AUH: variants seen among roughly 807,000 people sequenced by gnomAD.
AUH encodes the protein AU RNA binding methylglutaconyl-CoA hydratase.
AUH carries 29 observed loss-of-function variants against 42.3 expected under a neutral mutation model. That is an observed-to-expected ratio of 0.69 (90% CI 0.51 to 0.93). The LOEUF (loss-of-function observed/expected upper bound fraction) is 0.93. Ranked by LOEUF, AUH falls within the 40% of genes least tolerant of loss-of-function variation. The pLI, the probability that AUH is intolerant of heterozygous loss-of-function variation, is 0.00. For missense variants in AUH, 452 were observed against 438.1 expected (o/e 1.03, Z -0.28); for synonymous variants, 174 against 166.4 (o/e 1.05, Z -0.35).
At chr9:91,299,852 A>C (rs1464461007) in intron 4 of AUH, among the ~76,000 whole-genome samples, 1 of 151,952 alleles carries the variant, frequency 6.6e-6, no homozygotes, top group Admixed American at 6.6e-5. Flanking sequence ...TCAACCTACT[A>C]TCTCTCCAAC....
At position 91,313,296 on chromosome 9, in the gene AUH, C is replaced by T. The variant is rs543537793; in HGVS notation, c.505+12022G>A. ...GGAGCTCAGTCCAAAACAATGGCCT[C>T]CCATAATTTTAACAGTACAATGCAG... On this transcript the variant is annotated intron_variant, in intron 4 of 9. Transcript: ENST00000375731. Among the ~76,000 whole-genome samples, 16 of 152,258 alleles carry T rather than the reference C, an allele frequency of 1.1e-4. 1 individual carries two copies. In the South Asian group the frequency reaches 3.3e-3, roughly 32 times the overall value.
At chr9:91,342,778 A>C (rs1424918202) in intron 3 of AUH, 1 of 152,188 alleles carries the variant, frequency 6.6e-6, no homozygotes, top group African/African-American at 2.4e-5. Flanking sequence ...CTCAAATGAA[A>C]ACATTAAAAT....
chr9:91,319,192 C>T (rs1299763059), intron 4 of AUH, among the ~76,000 whole-genome samples: 1 of 152,144 alleles, frequency 6.6e-6, no homozygotes, highest in Non-Finnish European at 1.5e-5. Flanking sequence ...TCTCTGTCTT[C>T]CATTTTACTC....
chr9:91,216,507 G>A (rs549118042), intron 8 of AUH, among the ~76,000 whole-genome samples: 6 of 151,794 alleles, frequency 4.0e-5, no homozygotes, highest in African/African-American at 1.5e-4. Context: ...ATTTGCTATT[G>A]GTATTGTTAC....
At chr9:91,273,704 G>A (rs2131524604) in intron 6 of AUH, among the ~76,000 whole-genome samples, 1 of 152,284 alleles carries the variant, frequency 6.6e-6, no homozygotes, top group Non-Finnish European at 1.5e-5. Flanking sequence ...GTACATTCAT[G>A]AGGCAAATCA....
intron 7 of AUH, 145 bp downstream of exon 7, chr9:91,220,660 T>G: frequency 1.3e-6 from 1 of 759,648 alleles, no homozygotes; most frequent in South Asian, 1.8e-5. Context: ...CTTGTGTAAC[T>G]GCTCTAGTTT....
intron 6 of AUH, among the ~76,000 whole-genome samples, chr9:91,281,425 T>C (rs1317668126): frequency 3.3e-5 from 5 of 152,216 alleles, no homozygotes; most frequent in Non-Finnish European, 5.9e-5. Flanking sequence ...TTTCTGTGTT[T>C]CAGGATGCCT....
chr9:91,326,507 G>T (rs1829975022), intron 3 of AUH, among the ~76,000 whole-genome samples: 2 of 152,114 alleles, frequency 1.3e-5, no homozygotes, highest in Admixed American at 1.3e-4. Context: ...ACCTGTATAA[G>T]CATGAAGGTG....
intron 6 of AUH, among the ~76,000 whole-genome samples, chr9:91,295,183 G>A (rs1023058081): frequency 4.6e-5 from 7 of 152,128 alleles, no homozygotes; most frequent in East Asian, 1.9e-4. Context: ...TGTCATGACT[G>A]TGAGGACTCC....
At chr9:91,360,820 T>C (rs1430169867) in intron 1 of AUH, among the ~76,000 whole-genome samples, 3 of 152,196 alleles carry the variant, frequency 2.0e-5, no homozygotes. Flanking sequence ...AACAAATGCA[T>C]GTCAAAATTA....
In AUH at chr9:91,226,692, G is replaced by A. The variant is rs1346127316; in HGVS notation, c.656-5700C>T. Among the ~76,000 whole-genome samples the A allele has an allele frequency of 7.7e-3, 894 of 115,728 alleles. 2 individuals are homozygous for A. Among genetic ancestry groups the A allele is most frequent in the South Asian group, 0.017 (48 of 2,840 alleles). 75.9% of individuals were successfully genotyped at this position (115,728 alleles called of 152,430 possible). A position where few individuals can be genotyped will look rare whatever the true frequency, so the allele number is the denominator to read the frequency against. On this transcript the variant is annotated intron_variant, in intron 6 of 9. Coordinates refer to ENST00000375731, the MANE Select transcript of AUH (RefSeq NM_001698.3). ...GGGTTTTTATGGTTTTAGGTCTAACGTTTAAGTCTTTAATCCATCTTGAAT... is the reference window on the plus strand; with the variant it reads ...GGGTTTTTATGGTTTTAGGTCTAACATTTAAGTCTTTAATCCATCTTGAAT...
chr9:91,242,012 G>T (rs1312915924), intron 6 of AUH, among the ~76,000 whole-genome samples: 5 of 152,184 alleles, frequency 3.3e-5, no homozygotes. Flanking sequence ...ATTCTAAGGG[G>T]TCAGGAATCC....
chr9:91,264,742 G>A (rs1829882052), intron 6 of AUH, among the ~76,000 whole-genome samples: 1 of 152,166 alleles, frequency 6.6e-6, no homozygotes, highest in African/African-American at 2.4e-5. Flanking sequence ...GGACAAAATA[G>A]TGGGATCCTA....
intron 6 of AUH, among the ~76,000 whole-genome samples, chr9:91,269,364 C>G (rs897672011): frequency 6.6e-6 from 1 of 152,204 alleles, no homozygotes; most frequent in Non-Finnish European, 1.5e-5. Context: ...GAAACACTTA[C>G]GTGTCTGGAA....
intron 3 of AUH, among the ~76,000 whole-genome samples, chr9:91,349,997 G>A (rs1414542209): frequency 1.3e-5 from 2 of 152,102 alleles, no homozygotes; most frequent in Non-Finnish European, 2.9e-5. Flanking sequence ...CAATGTAGCC[G>A]GCCAACCAGA....
intron 6 of AUH, among the ~76,000 whole-genome samples, chr9:91,224,373 A>T (rs60448531): frequency 0.025 from 3,786 of 152,244 alleles, 73 homozygotes; most frequent in East Asian, 0.058. Context: ...TTTATCAGAT[A>T]TAGACTTGCA....
rs2131812856 is a variant in AUH, at chr9:91,317,743, T to C, written c.505+7575A>G. 2.0e-5 allele frequency among the ~76,000 whole-genome samples: 3 copies of C among 152,340 alleles called. 1 individual carries two copies. In the Middle Eastern group the frequency reaches 0.01, roughly 518 times the overall value. On this transcript the variant is annotated intron_variant, in intron 4 of 9. Transcript: ENST00000375731. ...GTTCCTGATTTTAGGAGATGACTTC[T>C]AATATTTTATTGTTAAGAAAGAGAT...
chr9:91,310,291 G>C (rs1828601835), intron 4 of AUH, among the ~76,000 whole-genome samples: 1 of 152,162 alleles, frequency 6.6e-6, no homozygotes, highest in Non-Finnish European at 1.5e-5. Context: ...CAGCATTCTT[G>C]GAATTTTAGG....
intron 6 of AUH, among the ~76,000 whole-genome samples, chr9:91,283,870 A>G (rs1365871639): frequency 1.3e-5 from 2 of 152,210 alleles, no homozygotes; most frequent in African/African-American, 4.8e-5. Flanking sequence ...CAATATTGTG[A>G]AAATGGCCAT....
Sources: allele counts gnomAD v4.1 joint callset (sites outside exome capture counted in the v4.1 genomes callset), GRCh38; gene constraint gnomAD v4.1.1; transcripts MANE v1.5; gene names NCBI Gene and HGNC (gene_info 2026-07-23, HGNC 2026-07-21).